ZC3H12B: variants seen among roughly 807,000 people sequenced by gnomAD.
ZC3H12B encodes the protein zinc finger CCCH-type containing 12B, also known as probable ribonuclease ZC3H12B.
Under a neutral mutation model 43.9 loss-of-function variants are expected in ZC3H12B, and 7 were observed. The ratio of observed to expected loss-of-function variants is 0.16; its 90% CI spans 0.09 to 0.30. The LOEUF (loss-of-function observed/expected upper bound fraction) is 0.30. ZC3H12B is among the 10% of genes least tolerant of loss of function. The pLI, the probability that ZC3H12B is intolerant of heterozygous loss-of-function variation, is 1.00. For missense variants in ZC3H12B, 475 were observed against 670.2 expected (o/e 0.71, Z 3.22); for synonymous variants, 222 against 241.7 (o/e 0.92, Z 0.76).
At chrX:65,211,874 AATATATGTTATGTATACTATATAAT>A in the ZC3H12B span, among the ~76,000 whole-genome samples, 2 of 77,316 alleles carry the variant, frequency 2.6e-5, no homozygotes, top group Non-Finnish European at 4.4e-5. Context: ...TATAATATAT[AATATATGTTATGTATACTATATAAT>A]ATATATGTTA....
the ZC3H12B span, among the ~76,000 whole-genome samples, chrX:65,326,810 A>C: frequency 8.9e-6 from 1 of 111,812 alleles, no homozygotes; most frequent in Middle Eastern, 4.6e-3. Flanking sequence ...ATTTTTAAAA[A>C]GAAATGGGCT....
chrX:65,502,020 G>A (rs1569427102), exon 5 of ZC3H12B: 6 of 1,210,321 alleles, frequency 5.0e-6, no homozygotes, highest in East Asian at 3.0e-5. Flanking sequence ...CCCAGCATCC[G>A]GTCTGTGGCT....
chrX:65,051,738 A>G, the ZC3H12B span, among the ~76,000 whole-genome samples: 2 of 111,097 alleles, frequency 1.8e-5, no homozygotes, highest in African/African-American at 3.3e-5. Flanking sequence ...AAGGGAAAAA[A>G]CTTCTCAAAC....
chrX:65,372,451 G>A (rs1308645548), intron 2 of ZC3H12B, among the ~76,000 whole-genome samples: 1 of 108,168 alleles, frequency 9.2e-6, no homozygotes, highest in Non-Finnish European at 1.9e-5. Context: ...AAGGAGGGAG[G>A]GAAGAAGAGA....
chrX:65,212,024 A>G, the ZC3H12B span, among the ~76,000 whole-genome samples: 1 of 66,357 alleles, frequency 1.5e-5, no homozygotes, highest in South Asian at 9.3e-4. Context: ...TATATAATAT[A>G]TATGTTATGT....
intron 3 of ZC3H12B, among the ~76,000 whole-genome samples, chrX:65,445,367 T>C (rs1398306302): frequency 8.9e-6 from 1 of 112,537 alleles, no homozygotes; most frequent in Admixed American, 9.4e-5. Context: ...CTTTCAGGTA[T>C]TCAAAGGGAA....
chrX:65,075,911 G>A, the ZC3H12B span, among the ~76,000 whole-genome samples: 1 of 111,634 alleles, frequency 9.0e-6, no homozygotes, highest in South Asian at 3.8e-4. Context: ...AGACCATGGC[G>A]AGTGAGTACC....
the ZC3H12B span, among the ~76,000 whole-genome samples, chrX:65,309,920 G>T: frequency 5.4e-5 from 6 of 111,937 alleles, no homozygotes; most frequent in Admixed American, 2.8e-4. Context: ...CTCAATAGAT[G>T]CAGAAAAGGC....
chrX:65,116,721 C>G, the ZC3H12B span, among the ~76,000 whole-genome samples: 1 of 109,857 alleles, frequency 9.1e-6, no homozygotes, highest in Non-Finnish European at 1.9e-5. Flanking sequence ...CCCCCTCCCC[C>G]CAAACCACAA....
intron 2 of ZC3H12B, among the ~76,000 whole-genome samples, chrX:65,380,603 A>T (rs1265417650): frequency 1.8e-5 from 2 of 111,720 alleles, no homozygotes; most frequent in Non-Finnish European, 3.8e-5. Context: ...ATCCACACAT[A>T]ACAATATTAA....
the ZC3H12B span, among the ~76,000 whole-genome samples, chrX:65,285,400 T>C: frequency 9.1e-6 from 1 of 110,346 alleles, no homozygotes; most frequent in African/African-American, 3.3e-5. Context: ...ACAAAAGTCT[T>C]CCCCACACCA....
the ZC3H12B span, among the ~76,000 whole-genome samples, chrX:65,232,284 T>C: frequency 1.8e-5 from 2 of 110,622 alleles, no homozygotes; most frequent in East Asian, 5.7e-4. Context: ...GTGTGAGAAA[T>C]TATAAAAGTA....
chrX:65,166,019 T>C, the ZC3H12B span, among the ~76,000 whole-genome samples: 1 of 107,162 alleles, frequency 9.3e-6, no homozygotes, highest in Non-Finnish European at 1.9e-5. Flanking sequence ...CTTATTATGG[T>C]TTTGATTTGT....
At chrX:65,166,409 G>C in the ZC3H12B span, among the ~76,000 whole-genome samples, 26 of 111,775 alleles carry the variant, frequency 2.3e-4, no homozygotes, top group Non-Finnish European at 4.1e-4. Context: ...ATTCCATGGT[G>C]TATATGTGCC....
At chrX:65,152,324 T>G in the ZC3H12B span, among the ~76,000 whole-genome samples, 1 of 111,571 alleles carries the variant, frequency 9.0e-6, no homozygotes, top group African/African-American at 3.3e-5. Context: ...ATTGTATATC[T>G]AGAAAACCCC....
rs192034693 is a variant in ZC3H12B, at chrX:65,461,334, C to T, written n.408-27312C>T. 3.8e-3 allele frequency among the ~76,000 whole-genome samples: 422 copies of T among 112,160 alleles called. 1 individual carries two copies. Among genetic ancestry groups the T allele is most frequent in the Middle Eastern group, 0.033 (7 of 215 alleles). On this transcript the variant is annotated intron_variant and non_coding_transcript_variant, in intron 3 of 5. Coordinates refer to the ZC3H12B transcript ENST00000617377. ...TCTTGAACTAGAAATAGCATTTGATCCAGCCATCCCATTACTGGGTATATA... is the reference window on the plus strand; with the variant it reads ...TCTTGAACTAGAAATAGCATTTGATTCAGCCATCCCATTACTGGGTATATA...
At chrX:65,257,002 G>T in the ZC3H12B span, among the ~76,000 whole-genome samples, 2 of 112,191 alleles carry the variant, frequency 1.8e-5, no homozygotes, top group African/African-American at 6.5e-5. Flanking sequence ...TACACTGTTG[G>T]TGGGACTGTA....
At chrX:65,226,374 A>C in the ZC3H12B span, among the ~76,000 whole-genome samples, 9 of 111,450 alleles carry the variant, frequency 8.1e-5, no homozygotes, top group East Asian at 2.8e-4. Context: ...GAAGGAAGCA[A>C]TAAACATGGA....
the ZC3H12B span, among the ~76,000 whole-genome samples, chrX:65,230,605 C>T: frequency 0.016 from 1,542 of 95,966 alleles, 19 homozygotes; most frequent in African/African-American, 0.048. Context: ...ACCTTTCCCC[C>T]AGCGCCAAAA....
Sources: allele counts gnomAD v4.1 joint callset (sites outside exome capture counted in the v4.1 genomes callset), GRCh38; gene constraint gnomAD v4.1.1; transcripts MANE v1.5; gene names NCBI Gene and HGNC (gene_info 2026-07-23, HGNC 2026-07-21).